The following IL20RB variants were observed in gnomAD, a reference collection of about 807,000 sequenced individuals.
IL20RB encodes the protein interleukin-20 receptor subunit beta.
Under a neutral mutation model 33.3 loss-of-function variants are expected in IL20RB, and 21 were observed. The observed-to-expected ratio is 0.63, with a 90% CI of 0.45 to 0.91. IL20RB has a LOEUF of 0.91. Ranked by LOEUF, IL20RB falls within the 40% of genes least tolerant of loss-of-function variation. The pLI, the probability that IL20RB is intolerant of heterozygous loss-of-function variation, is 0.00. For missense variants in IL20RB, 345 were observed against 384.8 expected (o/e 0.90, Z 0.86); for synonymous variants, 147 against 146.8 (o/e 1.00, Z -0.01).
At chr3:136,994,387 C>T (rs1294235385) in intron 5 of IL20RB, among the ~76,000 whole-genome samples, 1 of 152,016 alleles carries the variant, frequency 6.6e-6, no homozygotes, top group Non-Finnish European at 1.5e-5. Flanking sequence ...CTCATGTACC[C>T]CATAAATATA....
At chr3:136,988,682 G>T (rs913885024) in intron 3 of IL20RB, among the ~76,000 whole-genome samples, 34 of 151,634 alleles carry the variant, frequency 2.2e-4, no homozygotes, top group African/African-American at 8.2e-4. Context: ...GTTCGAGGCT[G>T]CAGTGAGCCA....
chr3:137,009,163 G>A (rs535752904), intron 6 of IL20RB, among the ~76,000 whole-genome samples: 2 of 152,214 alleles, frequency 1.3e-5, no homozygotes, highest in African/African-American at 4.8e-5. Flanking sequence ...CAATGAAGCT[G>A]ATGTCTCCTG....
Position 136,958,005 on chromosome 3 carries a change from G to T in IL20RB, c.-109G>T. ...TCTAGAACAATTCAGGCTTCGCTGC[G>T]ACTCAGACCTCAGCTCCAACATATG... On this transcript the variant is annotated 5_prime_UTR_variant, in exon 1 of 7. Coordinates refer to ENST00000329582, the MANE Select transcript of IL20RB (RefSeq NM_144717.4). The T allele has an allele frequency of 1.4e-6, 1 of 722,100 alleles. No homozygotes were observed. 44.7% of individuals were successfully genotyped at this position (722,100 alleles called of 1,614,324 possible).
Position 136,989,623 on chromosome 3 carries a change from G to T in IL20RB, c.531+58G>T, listed in dbSNP as rs890318545. On this transcript the variant is annotated intron_variant, in intron 4 of 6. Transcript: ENST00000329582. ...TTCGGGAAAGAAGGCACAGATTTCT[G>T]AGGGTGAGCAAGGGAAGGCTGCCCC... 17 of 1,601,608 alleles carry T rather than the reference G, an allele frequency of 1.1e-5. No individual in the cohort carries two copies. The African/African-American group carries it at 2.0e-4, about 19-fold the overall frequency.
Position 136,982,339 on chromosome 3 carries a change from A to G in IL20RB, c.395A>G (p.Asn132Ser). The change falls in exon 3 of 7, where the codon AAT (asparagine) becomes AGT (serine). Residue 132 changes from asparagine to serine, a missense_variant. Asn to Ser is a conservative substitution (Grantham distance 46). Coordinates refer to ENST00000329582, the MANE Select transcript of IL20RB (RefSeq NM_144717.4). ...TGGAGCATCCTGAAGCATCCCTTTA[A>G]TAGAAACTCAAGTAAGGCACTTCTC... Reference protein sequence around the residue: ...SAWSILKHPFNRNSTILTRPG... With the variant: ...SAWSILKHPFSRNSTILTRPG... 6.3e-7 allele frequency: 1 copy of G among 1,585,758 alleles called. No individual in the cohort carries two copies. Among genetic ancestry groups the G allele is most frequent in the Non-Finnish European group, 8.6e-7 (1 of 1,159,414 alleles).
Position 136,995,469 on chromosome 3 carries a change from C to A in IL20RB, c.738C>A (p.Ile246=). 1 of 1,614,134 alleles carries A rather than the reference C, an allele frequency of 6.2e-7. No individual in the cohort carries two copies. Among genetic ancestry groups the A allele is most frequent in the South Asian group, 1.1e-5 (1 of 91,078 alleles). Residue 246 remains isoleucine, a synonymous_variant, in exon 6 of 7, where the codon ATC becomes ATA. Transcript: ENST00000329582. The part of the protein sequence containing the change: ...ALFAFVGFML[I]LVVVPLFVWK... ...TTGCCTTTGTTGGCTTCATGCTGATCCTTGTGGTCGTGCCACTGTTCGTCT... is the reference window on the plus strand; with the variant it reads ...TTGCCTTTGTTGGCTTCATGCTGATACTTGTGGTCGTGCCACTGTTCGTCT...
chr3:136,979,161 C>T (rs2108195115), intron 1 of IL20RB, among the ~76,000 whole-genome samples: 1 of 152,186 alleles, frequency 6.6e-6, no homozygotes, highest in Non-Finnish European at 1.5e-5. Flanking sequence ...TGATTTCAAG[C>T]TTAGGGGTGG....
intron 1 of IL20RB, 91 bp from the exon 2 acceptor site, chr3:136,980,375 A>G (rs1306332249): frequency 6.6e-7 from 1 of 1,504,296 alleles, no homozygotes; most frequent in Admixed American, 1.7e-5. Context: ...AACCTCCGCC[A>G]GTGAGGCCCT....
rs562925006 is a variant in IL20RB, at chr3:136,976,843, C to T, written c.89-3623C>T. On this transcript the variant is annotated intron_variant, in intron 1 of 6. Transcript: ENST00000329582. ...GTGGGACGCAGCATGAGTTCCCTTC[C>T]TGGGACAATTTTGTCCCCCAATCTA... Among the ~76,000 whole-genome samples the T allele has an allele frequency of 2.0e-5, 3 of 152,336 alleles. No individual in the cohort carries two copies. The East Asian group carries it at 5.8e-4, about 29-fold the overall frequency.
chr3:136,999,482 C>A (rs1942198108), intron 6 of IL20RB, among the ~76,000 whole-genome samples: 1 of 151,924 alleles, frequency 6.6e-6, no homozygotes, highest in African/African-American at 2.4e-5. Context: ...CAAGTGATAT[C>A]CTTCCGCCTT....
chr3:136,986,688 C>G, intron 3 of IL20RB: 2 of 456,738 alleles, frequency 4.4e-6, no homozygotes, highest in Non-Finnish European at 8.8e-6. Flanking sequence ...TGAAAACTCC[C>G]TGTAGGAACT....
At chr3:137,002,984 A>G (rs1002395198) in intron 6 of IL20RB, among the ~76,000 whole-genome samples, 2 of 152,218 alleles carry the variant, frequency 1.3e-5, no homozygotes, top group Non-Finnish European at 2.9e-5. Flanking sequence ...AGCTTTCTAC[A>G]TATGGCTAGC....
Position 136,958,057 on chromosome 3 carries a change from G to T in IL20RB, c.-57G>T, listed in dbSNP as rs924814146. On this transcript the variant is annotated 5_prime_UTR_variant, in exon 1 of 7. Transcript: ENST00000329582. The stretch of plus-strand genomic sequence containing the variant: ...ATTCTGAAGAAAGATGGCTGAGATG[G>T]ACAGAATGCTTTATTTTGGAAAGAA... The T allele has an allele frequency of 7.6e-6, 8 of 1,045,806 alleles. No homozygotes were observed. Among genetic ancestry groups the T allele is most frequent in the Admixed American group, 1.7e-5 (1 of 57,212 alleles). 64.8% of individuals were successfully genotyped at this position (1,045,806 alleles called of 1,614,324 possible).
intron 4 of IL20RB, 96 bp from the exon 5 acceptor site, chr3:136,991,842 T>C: frequency 5.4e-6 from 7 of 1,302,146 alleles, no homozygotes; most frequent in Non-Finnish European, 7.5e-6. Flanking sequence ...ACTCCTGACC[T>C]CAGGTGATCC....
intron 3 of IL20RB, among the ~76,000 whole-genome samples, chr3:136,985,316 C>A (rs1941872997): frequency 6.7e-6 from 1 of 148,952 alleles, no homozygotes; most frequent in Non-Finnish European, 1.5e-5. Context: ...TGAAAAGGAT[C>A]CCTACTGTCT....
intron 5 of IL20RB, 45 bp downstream of exon 5, chr3:136,992,133 C>T (rs2108209847): frequency 1.3e-6 from 2 of 1,595,214 alleles, no homozygotes; most frequent in East Asian, 4.5e-5. Context: ...CAGGTGATAG[C>T]CCCTCCTGGC....
intron 3 of IL20RB, among the ~76,000 whole-genome samples, chr3:136,982,631 G>A (rs544239338): frequency 1.3e-3 from 204 of 152,308 alleles, no homozygotes; most frequent in African/African-American, 4.6e-3. Flanking sequence ...AAGGAAAGCT[G>A]CTCTGGAAGT....
intron 1 of IL20RB, among the ~76,000 whole-genome samples, chr3:136,977,878 G>A (rs1170793425): frequency 1.3e-5 from 2 of 152,046 alleles, no homozygotes; most frequent in African/African-American, 4.8e-5. Context: ...ATGTGGGAGA[G>A]CATATCATGT....
chr3:136,962,722 A>C (rs928105606), intron 1 of IL20RB, among the ~76,000 whole-genome samples: 7 of 150,976 alleles, frequency 4.6e-5, no homozygotes, highest in Admixed American at 4.6e-4. Context: ...ACTGCACTCC[A>C]GTCTGGCAAC....
Sources: allele counts gnomAD v4.1 joint callset (sites outside exome capture counted in the v4.1 genomes callset), GRCh38; gene constraint gnomAD v4.1.1; transcripts MANE v1.5; gene names NCBI Gene and HGNC (gene_info 2026-07-23, HGNC 2026-07-21).